USP6NL: variants seen among roughly 807,000 people sequenced by gnomAD.
USP6NL encodes USP6 N-terminal like.
Under a neutral mutation model 61.9 loss-of-function variants are expected in USP6NL, and 26 were observed. That is an observed-to-expected ratio of 0.42 (90% CI 0.31 to 0.58). USP6NL has a LOEUF of 0.58. Ranked by LOEUF, USP6NL falls within the 20% of genes least tolerant of loss-of-function variation. USP6NL has a pLI of 0.16. For missense variants in USP6NL, 1,114 were observed against 1,034.3 expected, an observed-to-expected ratio of 1.08 and a Z score of -1.06; for synonymous variants, 432 against 390.1, an observed-to-expected ratio of 1.11 and a Z score of -1.27.
At position 11,537,388 on chromosome 10, in the gene USP6NL, AG is replaced by A. The variant is rs1835875826; in HGVS notation, c.5-9822del. Among the ~76,000 whole-genome samples, 2 of 152,004 alleles carry A rather than the reference AG, an allele frequency of 1.3e-5. No individual in the cohort carries two copies. Among genetic ancestry groups the A allele is most frequent in the Non-Finnish European group, 2.9e-5 (2 of 67,978 alleles). On this transcript the variant is annotated intron_variant, in intron 2 of 14. Coordinates refer to ENST00000609104, the MANE Select transcript of USP6NL (RefSeq NM_014688.5). The surrounding 1 kb of genome is among the most constrained non-coding windows in gnomAD (Gnocchi z 5.1). ...TGGCCTCCCAAAGTGCTACGATTAT[AG>A]GCATGAGCCACAAAGCCCGGCCTAC...
chr10:11,477,367 G>C (rs999335853), intron 14 of USP6NL, among the ~76,000 whole-genome samples: 1 of 152,156 alleles, frequency 6.6e-6, no homozygotes, highest in Admixed American at 6.5e-5. Context: ...AACCGTAAGA[G>C]ATTGCTTTGC....
chr10:11,546,863 G>A (rs112988462), intron 2 of USP6NL, among the ~76,000 whole-genome samples: 194 of 152,224 alleles, frequency 1.3e-3, no homozygotes, highest in Middle Eastern at 6.8e-3. Context: ...GGAAAATGTG[G>A]TTTCTTTATT....
chr10:11,467,195 C>A (rs1832507317), intron 14 of USP6NL, among the ~76,000 whole-genome samples: 1 of 152,106 alleles, frequency 6.6e-6, no homozygotes, highest in African/African-American at 2.4e-5. Context: ...ACCCTAACTT[C>A]TCTAAAAGGT....
intron 2 of USP6NL, among the ~76,000 whole-genome samples, chr10:11,581,902 A>G (rs1000718678): frequency 1.3e-5 from 2 of 152,110 alleles, no homozygotes; most frequent in African/African-American, 4.8e-5. Context: ...CCTCCCCAGT[A>G]GCTGGAATTA....
chr10:11,577,561 C>T (rs1000482573), intron 2 of USP6NL, among the ~76,000 whole-genome samples: 6 of 151,720 alleles, frequency 4.0e-5, no homozygotes, highest in African/African-American at 9.7e-5. Context: ...AGTGCAATGG[C>T]GCAATCTCGG....
chr10:11,527,624 TTAA>T, intron 2 of USP6NL, 57 bp from the exon 3 acceptor site: 1 of 1,478,454 alleles, frequency 6.8e-7, no homozygotes. Flanking sequence ...GTAAAGTTAA[TTAA>T]TTATGAAACT....
chr10:11,526,233 G>A lies in USP6NL; in HGVS notation c.73-765C>T, dbSNP rs1483618232. Among the ~76,000 whole-genome samples, 6 of 152,162 alleles carry A rather than the reference G, an allele frequency of 3.9e-5. No individual in the cohort carries two copies. The East Asian group carries it at 1.2e-3, about 29-fold the overall frequency. ...CTATTAACTAACACTGATCAGTGAA[G>A]AAACCCCAAATATAACTATCTATAT... On this transcript the variant is annotated intron_variant, in intron 3 of 14. Coordinates refer to ENST00000609104, the MANE Select transcript of USP6NL (RefSeq NM_014688.5).
At chr10:11,570,442 T>C (rs1270948956) in intron 2 of USP6NL, among the ~76,000 whole-genome samples, 2 of 152,228 alleles carry the variant, frequency 1.3e-5, no homozygotes, top group Admixed American at 6.5e-5. Context: ...AGCTCCTATG[T>C]CTTAAAAACA....
rs537915647 is a variant in USP6NL, at chr10:11,461,184, A to C, written c.*1257T>G. Reference sequence around the variant, plus strand: ...CTCTTGGAGTGCCTAAATCTTTGTCAGTGTTTTGGTATCTGTAGTGTAACA... The same window carrying C: ...CTCTTGGAGTGCCTAAATCTTTGTCCGTGTTTTGGTATCTGTAGTGTAACA... On this transcript the variant is annotated 3_prime_UTR_variant, in exon 15 of 15. Coordinates refer to ENST00000609104, the MANE Select transcript of USP6NL (RefSeq NM_014688.5). 2.0e-5 allele frequency: 3 copies of C among 152,556 alleles called. No homozygotes were observed. Among genetic ancestry groups the C allele is most frequent in the Non-Finnish European group, 4.4e-5 (3 of 68,014 alleles). 9.5% of individuals were successfully genotyped at this position (152,556 alleles called of 1,614,324 possible). A position where few individuals can be genotyped will look rare whatever the true frequency, so the allele number is the denominator to read the frequency against.
chr10:11,560,724 A>ATATC (rs34316007), intron 2 of USP6NL, among the ~76,000 whole-genome samples: 1 of 143,588 alleles, frequency 7.0e-6, no homozygotes, highest in East Asian at 2.0e-4. Flanking sequence ...TTATATATAT[A>ATATC]TATATATATA....
At chr10:11,509,741 T>C in intron 5 of USP6NL, 66 bp from the exon 6 acceptor site, 1 of 1,309,800 alleles carries the variant, frequency 7.6e-7, no homozygotes, top group Non-Finnish European at 1.1e-6. Flanking sequence ...ATAAAAAACT[T>C]CAAAGAAAAT....
intron 2 of USP6NL, among the ~76,000 whole-genome samples, chr10:11,551,173 T>C (rs1418395062): frequency 6.6e-6 from 1 of 152,242 alleles, no homozygotes; most frequent in Non-Finnish European, 1.5e-5. Context: ...TAAAAATTTT[T>C]ATGTGAAAGT....
intron 2 of USP6NL, among the ~76,000 whole-genome samples, chr10:11,584,368 T>C (rs554428047): frequency 1.3e-5 from 2 of 152,336 alleles, no homozygotes; most frequent in Admixed American, 1.3e-4. Flanking sequence ...CACTTGGGTA[T>C]ATAAACACAG....
chr10:11,602,046 T>TATATACATAC lies in USP6NL; in HGVS notation c.-83-4339_-83-4330dup, dbSNP rs1172406153. On this transcript the variant is annotated intron_variant, in intron 1 of 14. Coordinates refer to ENST00000609104, the MANE Select transcript of USP6NL (RefSeq NM_014688.5). This position sits in a 1 kb window ranked among gnomAD's most constrained non-coding sequence, Gnocchi z 4.8. The stretch of plus-strand genomic sequence containing the variant: ...TGATGTATTATTTGTAATAGCAATA[T>TATATACATAC]ATATACATACATATACATACATATA... 6.6e-6 allele frequency among the ~76,000 whole-genome samples: 1 copy of TATATACATAC among 152,182 alleles called. No individual in the cohort carries two copies. Among genetic ancestry groups the TATATACATAC allele is most frequent in the Non-Finnish European group, 1.5e-5 (1 of 68,030 alleles).
intron 7 of USP6NL, 37 bp from the exon 8 acceptor site, chr10:11,493,265 G>A: frequency 6.5e-7 from 1 of 1,527,200 alleles, no homozygotes; most frequent in Middle Eastern, 1.7e-4. Context: ...AGATTTTTAT[G>A]GAAATTAGTT....
intron 2 of USP6NL, among the ~76,000 whole-genome samples, chr10:11,547,919 A>G (rs117320345): frequency 0.021 from 3,273 of 152,330 alleles, 52 homozygotes; most frequent in Non-Finnish European, 0.036. Flanking sequence ...GGATTTTTAA[A>G]AAGTTAAAGT....
Position 11,495,375 on chromosome 10 carries a change from T to A in USP6NL, c.385-2147A>T, listed in dbSNP as rs1326187108. Among the ~76,000 whole-genome samples, 1 of 152,232 alleles carries A rather than the reference T, an allele frequency of 6.6e-6. No homozygotes were observed. Among genetic ancestry groups the A allele is most frequent in the Non-Finnish European group, 1.5e-5 (1 of 68,042 alleles). On this transcript the variant is annotated intron_variant, in intron 7 of 14. Transcript: ENST00000609104. This position sits in a 1 kb window ranked among gnomAD's most constrained non-coding sequence, Gnocchi z 4.6. Reference sequence around the variant, plus strand: ...ATTCTTGTTTTATATTTTATTATACTGGAACAGCTCGTGTCCTCGGTCTCT... The same window carrying A: ...ATTCTTGTTTTATATTTTATTATACAGGAACAGCTCGTGTCCTCGGTCTCT...
In USP6NL at chr10:11,470,548, T is replaced by C. The variant is rs1330764806; in HGVS notation, c.1079-6699A>G. 6.6e-6 allele frequency among the ~76,000 whole-genome samples: 1 copy of C among 152,212 alleles called. No homozygotes were observed. The highest frequency in any genetic ancestry group is 1.9e-4 in the East Asian group (1 of 5,194). ...TGCCAATTAGTATTCTCTACCCTTC[T>C]TCACAGAAGTAGGTCCAAATAAAGC... On this transcript the variant is annotated intron_variant, in intron 14 of 14. Transcript: ENST00000609104. The surrounding 1 kb of genome is among the most constrained non-coding windows in gnomAD (Gnocchi z 5.4).
At chr10:11,599,386 T>C (rs1012516927) in intron 1 of USP6NL, among the ~76,000 whole-genome samples, 6 of 152,242 alleles carry the variant, frequency 3.9e-5, no homozygotes, top group African/African-American at 1.4e-4. Flanking sequence ...TAAAGCACCT[T>C]GTGCGATGTA....
Sources: allele counts gnomAD v4.1 joint callset (sites outside exome capture counted in the v4.1 genomes callset), GRCh38; gene constraint gnomAD v4.1.1; non-coding constraint Gnocchi (gnomAD v3.1); transcripts MANE v1.5; gene names NCBI Gene and HGNC (gene_info 2026-07-23, HGNC 2026-07-21).